The following MRPS31 variants were observed in gnomAD, a reference collection of about 807,000 sequenced individuals.
MRPS31 encodes small ribosomal subunit protein mS31.
Under a neutral mutation model 43.1 loss-of-function variants are expected in MRPS31, and 32 were observed. The ratio of observed to expected loss-of-function variants is 0.74; its 90% CI spans 0.56 to 1.00. The LOEUF is 1.00. Among genes scored for constraint, MRPS31 ranks in the 50% least tolerant of loss-of-function variants. The probability of loss-of-function intolerance (pLI) is 0.00; values close to 1 mark genes in which losing one functional copy is unlikely to be tolerated. For synonymous variants in MRPS31, 165 were observed against 161.6 expected, an observed-to-expected ratio of 1.02 and a Z score of -0.16; for missense variants, 437 against 466.7, an observed-to-expected ratio of 0.94 and a Z score of 0.59.
intron 6 of MRPS31, among the ~76,000 whole-genome samples, chr13:40,741,709 T>C (rs1169155872): frequency 2.0e-5 from 3 of 152,118 alleles, no homozygotes; most frequent in African/African-American, 7.2e-5. Flanking sequence ...TACTCAAACA[T>C]GTACACAAGA....
intron 4 of MRPS31, among the ~76,000 whole-genome samples, chr13:40,756,172 G>A (rs1047367098): frequency 6.6e-6 from 1 of 152,180 alleles, no homozygotes; most frequent in African/African-American, 2.4e-5. Flanking sequence ...CTCCAGTTGT[G>A]AGCATATCCT....
chr13:40,749,019 C>T, intron 6 of MRPS31, 119 bp downstream of exon 6: 1 of 965,130 alleles, frequency 1.0e-6, no homozygotes. Flanking sequence ...TTTAGGACAC[C>T]ATGAAGATAT....
chr13:40,732,903 GC>G (rs751131501), intron 6 of MRPS31, among the ~76,000 whole-genome samples: 6 of 151,822 alleles, frequency 4.0e-5, no homozygotes, highest in East Asian at 1.9e-4. Context: ...ATGAAACTGG[GC>G]CAGGCACAGT....
intron 4 of MRPS31, among the ~76,000 whole-genome samples, chr13:40,756,507 T>C (rs1880530973): frequency 6.6e-6 from 1 of 152,228 alleles, no homozygotes; most frequent in Non-Finnish European, 1.5e-5. Flanking sequence ...ATAAAGGCTA[T>C]ATGAATACAC....
chr13:40,732,051 G>A (rs772498667), intron 6 of MRPS31, among the ~76,000 whole-genome samples: 3 of 152,168 alleles, frequency 2.0e-5, no homozygotes, highest in Non-Finnish European at 4.4e-5. Context: ...AGGCTACAGA[G>A]CTATGTACAA....
chr13:40,736,236 G>A (rs1309513425), intron 6 of MRPS31, among the ~76,000 whole-genome samples: 16 of 152,170 alleles, frequency 1.1e-4, no homozygotes, highest in Admixed American at 2.0e-4. Context: ...AGAGAAAAGA[G>A]AATAAAAAGA....
At chr13:40,760,631 C>CTTTTTTTTT (rs551721594) in intron 2 of MRPS31, among the ~76,000 whole-genome samples, 1 of 133,762 alleles carries the variant, frequency 7.5e-6, no homozygotes. Flanking sequence ...ACATTTTTTC[C>CTTTTTTTTT]TTTTTTTTTT....
At chr13:40,731,992 A>T (rs1317815131) in intron 6 of MRPS31, among the ~76,000 whole-genome samples, 2 of 152,268 alleles carry the variant, frequency 1.3e-5, no homozygotes, top group African/African-American at 2.4e-5. Context: ...AAAGAGAGCA[A>T]TAAAGAGGGT....
intron 6 of MRPS31, among the ~76,000 whole-genome samples, chr13:40,746,256 A>T (rs1227477588): frequency 6.6e-6 from 1 of 152,188 alleles, no homozygotes; most frequent in Non-Finnish European, 1.5e-5. Context: ...TCATTTCAAC[A>T]TTTAAGTATA....
At chr13:40,740,714 C>G (rs1445541244) in intron 6 of MRPS31, among the ~76,000 whole-genome samples, 17 of 141,888 alleles carry the variant, frequency 1.2e-4, no homozygotes, top group Middle Eastern at 3.6e-3. Flanking sequence ...CATATTCTCA[C>G]TCATAGGTGG....
intron 6 of MRPS31, 116 bp from the exon 7 acceptor site, chr13:40,729,717 A>T: frequency 1.4e-6 from 1 of 701,928 alleles, no homozygotes; most frequent in East Asian, 2.8e-5. Context: ...CTTTGGAGTT[A>T]GACCTAGGTT....
At chr13:40,732,434 G>A (rs975482418) in intron 6 of MRPS31, among the ~76,000 whole-genome samples, 4 of 152,172 alleles carry the variant, frequency 2.6e-5, no homozygotes, top group African/African-American at 9.6e-5. Context: ...CTTGGTAAAA[G>A]AACTAAACAT....
At chr13:40,767,499 G>A (rs1228863141) in intron 1 of MRPS31, among the ~76,000 whole-genome samples, 1 of 152,146 alleles carries the variant, frequency 6.6e-6, no homozygotes, top group African/African-American at 2.4e-5. Flanking sequence ...AACTCCCTAA[G>A]GTCTCTATTT....
chr13:40,738,582 T>G (rs1879991091), intron 6 of MRPS31, among the ~76,000 whole-genome samples: 1 of 152,122 alleles, frequency 6.6e-6, no homozygotes, highest in Non-Finnish European at 1.5e-5. Context: ...TCAAAAAGCT[T>G]ATCCATCATG....
intron 6 of MRPS31, among the ~76,000 whole-genome samples, chr13:40,739,728 C>T (rs1593443424): frequency 1.3e-5 from 2 of 151,062 alleles, no homozygotes; most frequent in South Asian, 4.2e-4. Context: ...GGAAAACGGG[C>T]TAGCCATATG....
chr13:40,731,479 G>T (rs1403815713), intron 6 of MRPS31, among the ~76,000 whole-genome samples: 1 of 151,674 alleles, frequency 6.6e-6, no homozygotes, highest in Non-Finnish European at 1.5e-5. Context: ...CTACTCGGGA[G>T]GCTGAGGCAG....
intron 6 of MRPS31, among the ~76,000 whole-genome samples, chr13:40,739,870 C>T (rs1473858868): frequency 7.9e-5 from 12 of 151,998 alleles, no homozygotes; most frequent in African/African-American, 1.7e-4. Context: ...ATTCAGGACA[C>T]AGGCATGGGC....
chr13:40,740,917 C>A, intron 6 of MRPS31, among the ~76,000 whole-genome samples: 1 of 148,180 alleles, frequency 6.7e-6, no homozygotes. Flanking sequence ...GCACATGTAC[C>A]CTAAAACTTA....
At chr13:40,762,845 A>C (rs1880740962) in intron 2 of MRPS31, among the ~76,000 whole-genome samples, 1 of 144,232 alleles carries the variant, frequency 6.9e-6, no homozygotes, top group African/African-American at 2.6e-5. Flanking sequence ...TGTGTGTTGT[A>C]CATATATCTC....
Sources: allele counts gnomAD v4.1 joint callset (sites outside exome capture counted in the v4.1 genomes callset), GRCh38; gene constraint gnomAD v4.1.1; transcripts MANE v1.5; gene names NCBI Gene and HGNC (gene_info 2026-07-23, HGNC 2026-07-21).